Variants in ZNF704 observed in about 807,000 individuals in gnomAD.
ZNF704 encodes zinc finger protein 704.
Under a neutral mutation model 44.7 loss-of-function variants are expected in ZNF704, and 10 were observed. That is an observed-to-expected ratio of 0.22 (90% confidence interval 0.14 to 0.38). The LOEUF (loss-of-function observed/expected upper bound fraction) is 0.38, where lower values mean the gene tolerates loss of function less well. ZNF704 is among the 10% of genes least tolerant of loss of function. The probability of loss-of-function intolerance (pLI) is 1.00; values close to 1 mark genes in which losing one functional copy is unlikely to be tolerated. For missense variants in ZNF704, 390 were observed against 545.5 expected, an observed-to-expected ratio of 0.71 and a Z score of 2.84; for synonymous variants, 211 against 207.6, an observed-to-expected ratio of 1.02 and a Z score of -0.14.
At chr8:80,772,756 T>A (rs1267820853) in intron 2 of ZNF704, among the ~76,000 whole-genome samples, 1 of 152,180 alleles carries the variant, frequency 6.6e-6, no homozygotes, top group Non-Finnish European at 1.5e-5. Context: ...TGTTTTCAAT[T>A]TCATTTATGC....
chr8:80,749,089 C>T (rs554860960), intron 2 of ZNF704, among the ~76,000 whole-genome samples: 2 of 152,150 alleles, frequency 1.3e-5, no homozygotes, highest in South Asian at 4.2e-4. Flanking sequence ...ACGGAATGGC[C>T]CCATCTACTT....
chr8:80,878,455 T>C (rs1326204741), upstream of ZNF704, among the ~76,000 whole-genome samples: 1 of 152,198 alleles, frequency 6.6e-6, no homozygotes, highest in Non-Finnish European at 1.5e-5. Context: ...GTGGTAGTTC[T>C]TTTTTGTCCC....
chr8:80,873,698 G>GCGCCCCCTCGGGGCTTCTCCTCCA, intron 1 of ZNF704: 1 of 154,412 alleles, frequency 6.5e-6, no homozygotes, highest in African/African-American at 2.4e-5. Context: ...CTCCTCCTCC[G>GCGCCCCCTCGGGGCTTCTCCTCCA]CGCCCCCTCG....
chr8:80,806,524 C>T (rs1398049669), intron 2 of ZNF704, among the ~76,000 whole-genome samples: 1 of 152,144 alleles, frequency 6.6e-6, no homozygotes, highest in Non-Finnish European at 1.5e-5. Flanking sequence ...AATTATATTA[C>T]TCAGAGTCTG....
chr8:80,731,035 T>A (rs1806572543), intron 2 of ZNF704, among the ~76,000 whole-genome samples: 7 of 152,226 alleles, frequency 4.6e-5, no homozygotes, highest in Admixed American at 4.6e-4. Flanking sequence ...AGATAATGGA[T>A]TAAACCCAAT....
rs1817700580 is a variant in ZNF704 at position 80,638,913 on chromosome 8, T to G, written c.*2453A>C. ...AGAAGAGATCCCAGGGAAGCTACATTCAGCTCTGTAGTTCTGCTTATACCT... is the reference window on the plus strand; with the variant it reads ...AGAAGAGATCCCAGGGAAGCTACATGCAGCTCTGTAGTTCTGCTTATACCT... On this transcript the variant is annotated 3_prime_UTR_variant, in exon 9 of 9. Transcript: ENST00000327835. The G allele has an allele frequency of 2.0e-5, 3 of 152,256 alleles. No homozygotes were observed. In the South Asian group the frequency reaches 6.2e-4, roughly 32 times the overall value. 9.4% of individuals were successfully genotyped at this position (152,256 alleles called of 1,614,324 possible). A position where few individuals can be genotyped will look rare whatever the true frequency, so the allele number is the denominator to read the frequency against.
intron 2 of ZNF704, among the ~76,000 whole-genome samples, chr8:80,788,880 T>C (rs1807658109): frequency 6.6e-6 from 1 of 152,158 alleles, no homozygotes; most frequent in Non-Finnish European, 1.5e-5. Context: ...AATCCCCACT[T>C]AAAAACAACT....
intron 5 of ZNF704, among the ~76,000 whole-genome samples, chr8:80,669,211 G>C (rs1818241270): frequency 6.6e-6 from 1 of 152,178 alleles, no homozygotes; most frequent in Non-Finnish European, 1.5e-5. Context: ...CCTGGCTCTA[G>C]CTTTGGGAAG....
At position 80,720,101 on chromosome 8, in the gene ZNF704, A is replaced by G. The variant is rs547907398; in HGVS notation, c.222-26994T>C. Among the ~76,000 whole-genome samples the G allele has an allele frequency of 6.6e-5, 10 of 152,276 alleles. No homozygotes were observed. In the South Asian group the frequency reaches 2.1e-3, roughly 32 times the overall value. On this transcript the variant is annotated intron_variant, in intron 2 of 8. Coordinates refer to ENST00000327835, the MANE Select transcript of ZNF704 (RefSeq NM_001033723.3). ...GTCTGCCTGCCTCTAAAATCCACGC[A>G]TTTCCCAGGACACTGCTTCCCACTG...
intron 2 of ZNF704, among the ~76,000 whole-genome samples, chr8:80,741,673 G>A (rs947393758): frequency 1.3e-5 from 2 of 152,180 alleles, no homozygotes; most frequent in Admixed American, 1.3e-4. Context: ...ACCCAGCCAC[G>A]TTTCTTCCAG....
At chr8:80,690,062 A>G (rs1012103676) in intron 3 of ZNF704, among the ~76,000 whole-genome samples, 3 of 120,970 alleles carry the variant, frequency 2.5e-5, no homozygotes, top group African/African-American at 1.2e-4. Flanking sequence ...TTTTTTCCTA[A>G]AAAAAAAAAA....
At chr8:80,676,683 C>G (rs1041201601) in intron 4 of ZNF704, among the ~76,000 whole-genome samples, 1 of 152,196 alleles carries the variant, frequency 6.6e-6, no homozygotes, top group African/African-American at 2.4e-5. Context: ...AGTCCCCAAC[C>G]TTTTTGGCAC....
chr8:80,686,741 TG>T (rs1403181379), intron 4 of ZNF704, among the ~76,000 whole-genome samples: 23 of 152,282 alleles, frequency 1.5e-4, no homozygotes, highest in African/African-American at 5.5e-4. Flanking sequence ...GATGTAAGAA[TG>T]GAAGTTTGTT....
intron 2 of ZNF704, among the ~76,000 whole-genome samples, chr8:80,740,864 C>G (rs1349834879): frequency 1.3e-5 from 2 of 152,254 alleles, no homozygotes; most frequent in Non-Finnish European, 2.9e-5. Flanking sequence ...TACTTGGACA[C>G]TCTTGTCCTT....
chr8:80,756,238 C>G (rs1035290249), intron 2 of ZNF704, among the ~76,000 whole-genome samples: 1 of 152,190 alleles, frequency 6.6e-6, no homozygotes, highest in African/African-American at 2.4e-5. Flanking sequence ...ATCTCACTCC[C>G]TCTAAGAAAA....
intron 2 of ZNF704, among the ~76,000 whole-genome samples, chr8:80,813,136 C>T (rs182013196): frequency 5.9e-5 from 9 of 152,270 alleles, no homozygotes; most frequent in Admixed American, 3.9e-4. Flanking sequence ...CCACCTTGTA[C>T]GACAGTGCTA....
chr8:80,691,149 G>GT (rs1169958558), intron 3 of ZNF704, among the ~76,000 whole-genome samples: 1 of 152,210 alleles, frequency 6.6e-6, no homozygotes, highest in East Asian at 1.9e-4. Context: ...GTTGGAGTAA[G>GT]TTTTGGTAAG....
chr8:80,823,451 G>C (rs1383874614), intron 1 of ZNF704, among the ~76,000 whole-genome samples: 1 of 152,238 alleles, frequency 6.6e-6, no homozygotes, highest in East Asian at 1.9e-4. Context: ...GCCCACTGCA[G>C]CTCAAGGAAG....
At chr8:80,727,597 A>G (rs1434514478) in intron 2 of ZNF704, among the ~76,000 whole-genome samples, 2 of 152,092 alleles carry the variant, frequency 1.3e-5, no homozygotes, top group Non-Finnish European at 2.9e-5. Context: ...CAGGGGGTGG[A>G]TGGAGCGGGT....
Sources: allele counts gnomAD v4.1 joint callset (sites outside exome capture counted in the v4.1 genomes callset), GRCh38; gene constraint gnomAD v4.1.1; transcripts MANE v1.5; gene names NCBI Gene and HGNC (gene_info 2026-07-23, HGNC 2026-07-21).